LTBP1: variants seen among roughly 807,000 people sequenced by gnomAD.
LTBP1 encodes the protein latent transforming growth factor beta binding protein 1.
A neutral mutation model predicts 207.6 loss-of-function variants in LTBP1; 129 were observed. That is an observed-to-expected ratio of 0.62 (90% CI 0.54 to 0.72). The LOEUF (loss-of-function observed/expected upper bound fraction) is 0.72. Among genes scored for constraint, LTBP1 ranks in the 30% least tolerant of loss-of-function variants. The pLI is 0.00. For missense variants in LTBP1, 2,281 were observed against 2,217.2 expected, an observed-to-expected ratio of 1.03 and a Z score of -0.58; for synonymous variants, 963 against 833.7, an observed-to-expected ratio of 1.16 and a Z score of -2.67.
At chr2:33,052,452 A>G (rs72791794) in intron 3 of LTBP1, among the ~76,000 whole-genome samples, 14,792 of 152,322 alleles carry the variant, frequency 0.097, 954 homozygotes, top group Non-Finnish European at 0.14. Context: ...CCAAACCCCT[A>G]TTATTGAACG....
At chr2:33,277,806 T>TC (rs2093471438) in intron 18 of LTBP1, among the ~76,000 whole-genome samples, 2 of 110,394 alleles carry the variant, frequency 1.8e-5, no homozygotes, top group Admixed American at 9.5e-5. Flanking sequence ...TCTCTCTCTC[T>TC]TTCTTTTTTT....
At chr2:32,972,951 G>A (rs1681137088) in intron 2 of LTBP1, among the ~76,000 whole-genome samples, 1 of 152,174 alleles carries the variant, frequency 6.6e-6, no homozygotes, top group Non-Finnish European at 1.5e-5. Flanking sequence ...AAATGGTTTT[G>A]AGTGATCTTC....
At chr2:33,112,480 T>C (rs1236261798) in intron 4 of LTBP1, among the ~76,000 whole-genome samples, 2 of 152,222 alleles carry the variant, frequency 1.3e-5, no homozygotes, top group Non-Finnish European at 2.9e-5. Flanking sequence ...TGTAGACTAA[T>C]ATACATTATC....
chr2:33,081,451 G>A (rs372674597), intron 3 of LTBP1, among the ~76,000 whole-genome samples: 1 of 152,078 alleles, frequency 6.6e-6, no homozygotes, highest in Non-Finnish European at 1.5e-5. Context: ...ATTTGATCTA[G>A]GAATTGAAGG....
In LTBP1 at chr2:33,389,165, C is replaced by G; in HGVS notation, c.4712-19C>G. 1 of 1,613,928 alleles carries G rather than the reference C, an allele frequency of 6.2e-7. No homozygotes were observed. Among genetic ancestry groups the G allele is most frequent in the South Asian group, 1.1e-5 (1 of 91,054 alleles). On this transcript the variant is annotated intron_variant, in intron 31 of 33. Coordinates refer to ENST00000404816, the MANE Select transcript of LTBP1 (RefSeq NM_206943.4). Reference sequence around the variant, plus strand: ...GAGCTAACAGTGGTGGGGCCTCATGCTGCTTGTCTACTCCTTAGATGACTA... The same window carrying G: ...GAGCTAACAGTGGTGGGGCCTCATGGTGCTTGTCTACTCCTTAGATGACTA...
intron 4 of LTBP1, among the ~76,000 whole-genome samples, chr2:33,121,774 G>A (rs2081137437): frequency 6.6e-6 from 1 of 151,778 alleles, no homozygotes; most frequent in Admixed American, 6.6e-5. Flanking sequence ...TTTGTGATTC[G>A]GTTAGGTACA....
intron 10 of LTBP1, 77 bp downstream of exon 10, chr2:33,243,861 G>GT: frequency 1.3e-6 from 2 of 1,510,924 alleles, no homozygotes; most frequent in South Asian, 1.2e-5. Flanking sequence ...GAAATACTCA[G>GT]TGGCCAACTG....
At chr2:33,072,732 A>T (rs1419205569) in intron 3 of LTBP1, among the ~76,000 whole-genome samples, 1 of 152,194 alleles carries the variant, frequency 6.6e-6, no homozygotes, top group Non-Finnish European at 1.5e-5. Context: ...GAAAACCGGT[A>T]TATTAATATA....
chr2:33,376,145 A>G (rs2095137469), intron 31 of LTBP1, among the ~76,000 whole-genome samples: 1 of 152,232 alleles, frequency 6.6e-6, no homozygotes, highest in Admixed American at 6.5e-5. Context: ...AGTCTAATAA[A>G]CCAAACTTAA....
At chr2:33,011,863 A>G (rs186165297) in intron 2 of LTBP1, among the ~76,000 whole-genome samples, 12 of 151,924 alleles carry the variant, frequency 7.9e-5, no homozygotes, top group East Asian at 1.9e-4. Context: ...AGTGGGGTCT[A>G]TTCCCATTTT....
chr2:33,377,809 A>C lies in LTBP1; in HGVS notation c.4712-11375A>C, dbSNP rs185224777. Among the ~76,000 whole-genome samples, 1,434 of 152,292 alleles carry C rather than the reference A, an allele frequency of 9.4e-3. 14 individuals carry two copies. The highest frequency in any genetic ancestry group is 0.015 in the Non-Finnish European group (1,027 of 68,028). On this transcript the variant is annotated intron_variant, in intron 31 of 33. Coordinates refer to ENST00000404816, the MANE Select transcript of LTBP1 (RefSeq NM_206943.4). ...TCAGGAGACTTATAATTGTGGCAGA[A>C]GGCAAAGCCAGACACTTCTTACCTG...
intron 24 of LTBP1, among the ~76,000 whole-genome samples, chr2:33,338,795 G>T (rs1290756621): frequency 1.3e-5 from 2 of 152,158 alleles, no homozygotes; most frequent in Non-Finnish European, 2.9e-5. Context: ...AAAAATTAAA[G>T]ACCGTAGGTT....
At chr2:33,089,141 G>C (rs2078928585) in intron 3 of LTBP1, among the ~76,000 whole-genome samples, 1 of 118,796 alleles carries the variant, frequency 8.4e-6, no homozygotes, top group South Asian at 3.0e-4. Flanking sequence ...GGGTGATAGA[G>C]TAAGACTCAG....
chr2:33,098,012 A>C (rs2079490718), intron 3 of LTBP1, among the ~76,000 whole-genome samples: 1 of 152,184 alleles, frequency 6.6e-6, no homozygotes, highest in South Asian at 2.1e-4. Context: ...TTTTTGATTT[A>C]ACTTTTTACA....
chr2:33,283,411 G>A (rs1012542508), intron 19 of LTBP1, among the ~76,000 whole-genome samples: 3 of 145,092 alleles, frequency 2.1e-5, no homozygotes, highest in African/African-American at 7.6e-5. Flanking sequence ...AAAATTCTCC[G>A]TGATAACATT....
chr2:33,307,271 G>A (rs575269580), intron 22 of LTBP1, among the ~76,000 whole-genome samples: 170 of 152,146 alleles, frequency 1.1e-3, no homozygotes, highest in African/African-American at 3.8e-3. Context: ...CCCATGCATC[G>A]TTTTCCTGGG....
intron 32 of LTBP1, among the ~76,000 whole-genome samples, chr2:33,395,469 C>G (rs368771424): frequency 2.6e-5 from 4 of 152,226 alleles, no homozygotes; most frequent in East Asian, 3.9e-4. Context: ...CTTACCCAAA[C>G]AGATAATTTA....
At chr2:33,246,381 A>T (rs78177567) in intron 10 of LTBP1, among the ~76,000 whole-genome samples, 5,605 of 152,256 alleles carry the variant, frequency 0.037, 131 homozygotes, top group Middle Eastern at 0.11. Context: ...GAAAAGGGTG[A>T]TACTTACAGA....
chr2:33,199,826 C>T (rs1259212821), intron 7 of LTBP1, among the ~76,000 whole-genome samples: 1 of 151,992 alleles, frequency 6.6e-6, no homozygotes, highest in Non-Finnish European at 1.5e-5. Flanking sequence ...TCTTATACAC[C>T]AATAACAGAC....
Sources: gnomAD v4.1 joint callset for allele counts (sites outside exome capture counted in the v4.1 genomes callset) on GRCh38, gnomAD v4.1.1 for gene constraint, MANE v1.5 for transcripts, NCBI Gene and HGNC (gene_info 2026-07-23, HGNC 2026-07-21) for gene names.